RAP1GAP2: variants seen among roughly 807,000 people sequenced by gnomAD.
The protein encoded by RAP1GAP2 is rap1 GTPase-activating protein 2.
Under a neutral mutation model 95.0 loss-of-function variants are expected in RAP1GAP2, and 27 were observed. The observed-to-expected ratio is 0.28, with a 90% confidence interval of 0.21 to 0.39. The LOEUF is 0.39. Ranked by LOEUF, RAP1GAP2 falls within the 10% of genes least tolerant of loss-of-function variation. The pLI is 1.00. For missense variants in RAP1GAP2, 771 were observed against 970.0 expected, an observed-to-expected ratio of 0.79 and a Z score of 2.72; for synonymous variants, 373 against 380.9, an observed-to-expected ratio of 0.98 and a Z score of 0.24.
intron 2 of RAP1GAP2, among the ~76,000 whole-genome samples, chr17:2,890,578 T>C (rs9905679): frequency 0.46 from 69,521 of 151,896 alleles, 16,434 homozygotes; most frequent in Non-Finnish European, 0.5. Context: ...GGGGCTCCTT[T>C]TCTTCTTGGG....
chr17:2,892,114 G>A (rs1354791189), intron 2 of RAP1GAP2, among the ~76,000 whole-genome samples: 1 of 152,036 alleles, frequency 6.6e-6, no homozygotes, highest in Non-Finnish European at 1.5e-5. Flanking sequence ...GTGAGCCACC[G>A]CACCCGGCCC....
At chr17:3,031,269 C>G (rs1037977735) in intron 23 of RAP1GAP2, among the ~76,000 whole-genome samples, 1 of 152,248 alleles carries the variant, frequency 6.6e-6, no homozygotes, top group East Asian at 1.9e-4. Context: ...CCCCCAGTCC[C>G]TTCCTGAGCT....
chr17:2,774,755 G>A (rs1023813221), upstream of RAP1GAP2, among the ~76,000 whole-genome samples: 2 of 151,462 alleles, frequency 1.3e-5, no homozygotes, highest in Non-Finnish European at 2.9e-5. Flanking sequence ...ATAGGTGTGA[G>A]CTACCATGCC....
intron 2 of RAP1GAP2, among the ~76,000 whole-genome samples, chr17:2,873,885 C>T (rs2072965591): frequency 6.6e-6 from 1 of 151,996 alleles, no homozygotes; most frequent in Admixed American, 6.6e-5. Context: ...GCCTCAGCCT[C>T]CCGAGTAGCT....
At chr17:2,776,739 C>T (rs1045353275), upstream of RAP1GAP2, among the ~76,000 whole-genome samples, 6 of 149,386 alleles carry the variant, frequency 4.0e-5, no homozygotes, top group Non-Finnish European at 7.5e-5. Context: ...GCGGTGGCGG[C>T]TGCGGAGGGC....
At chr17:2,802,950 G>A (rs2069365248) in intron 2 of RAP1GAP2, among the ~76,000 whole-genome samples, 1 of 152,150 alleles carries the variant, frequency 6.6e-6, no homozygotes, top group Non-Finnish European at 1.5e-5. Context: ...TTGTCCAGTG[G>A]ACACAATAAT....
chr17:2,877,390 C>T (rs765134471), intron 2 of RAP1GAP2, among the ~76,000 whole-genome samples: 10 of 152,208 alleles, frequency 6.6e-5, no homozygotes, highest in Middle Eastern at 3.2e-3. Context: ...GTCCGTCCTC[C>T]GTAAGGCAGC....
chr17:2,897,286 C>T (rs1402851211), intron 2 of RAP1GAP2, among the ~76,000 whole-genome samples: 7 of 151,926 alleles, frequency 4.6e-5, no homozygotes, highest in Admixed American at 2.0e-4. Flanking sequence ...TGCAGTGAGC[C>T]GAGATTGTGC....
At chr17:2,835,690 A>G (rs2071098990) in intron 2 of RAP1GAP2, among the ~76,000 whole-genome samples, 1 of 152,216 alleles carries the variant, frequency 6.6e-6, no homozygotes, top group Non-Finnish European at 1.5e-5. Context: ...GCACCACTGC[A>G]TTCCAGCCTG....
intron 2 of RAP1GAP2, among the ~76,000 whole-genome samples, chr17:2,893,362 G>A (rs2073781899): frequency 6.6e-6 from 1 of 152,118 alleles, no homozygotes; most frequent in African/African-American, 2.4e-5. Flanking sequence ...ATTTTAATGG[G>A]CTTCAGAAGA....
intron 3 of RAP1GAP2, among the ~76,000 whole-genome samples, chr17:2,919,479 C>T (rs1362513445): frequency 6.6e-6 from 1 of 152,010 alleles, no homozygotes; most frequent in Non-Finnish European, 1.5e-5. Flanking sequence ...TTCCTAACTT[C>T]TTTTGCCTGC....
chr17:2,822,183 G>GCACA (rs138452950), intron 2 of RAP1GAP2, among the ~76,000 whole-genome samples: 4 of 151,386 alleles, frequency 2.6e-5, no homozygotes, highest in Admixed American at 6.6e-5. Flanking sequence ...TTGCATTCAC[G>GCACA]CACACACACA....
rs186629520 is a variant in RAP1GAP2 at position 2,833,607 on chromosome 17, A to G, written c.80+33057A>G. On this transcript the variant is annotated intron_variant, in intron 2 of 24. Coordinates refer to ENST00000254695, the MANE Select transcript of RAP1GAP2 (RefSeq NM_015085.5). ...TGGGAGGCTGAGGCAGGAGAATGGC[A>G]TGAACCTGGGAGGCGGAGCTTGCAG... Among the ~76,000 whole-genome samples, 1,376 of 148,774 alleles carry G rather than the reference A, an allele frequency of 9.2e-3. 18 individuals carry two copies. The highest frequency in any genetic ancestry group is 0.03 in the East Asian group (144 of 4,826).
At chr17:2,839,986 C>T (rs754112111) in intron 2 of RAP1GAP2, among the ~76,000 whole-genome samples, 2 of 150,554 alleles carry the variant, frequency 1.3e-5, no homozygotes, top group Non-Finnish European at 1.5e-5. Context: ...TTAGTAGAAA[C>T]GGGGTTTCAC....
At chr17:2,888,456 T>C (rs1460834281) in intron 2 of RAP1GAP2, among the ~76,000 whole-genome samples, 2 of 152,202 alleles carry the variant, frequency 1.3e-5, no homozygotes, top group African/African-American at 4.8e-5. Flanking sequence ...ACCACTATTC[T>C]GCTTTCTACT....
intron 8 of RAP1GAP2, among the ~76,000 whole-genome samples, chr17:2,971,909 A>T (rs183386435): frequency 4.6e-5 from 7 of 152,350 alleles, no homozygotes; most frequent in Admixed American, 3.3e-4. Context: ...AAGCAATAAG[A>T]TAGGTAACTA....
At chr17:2,790,908 C>T (rs912390615) in intron 1 of RAP1GAP2, among the ~76,000 whole-genome samples, 27 of 152,164 alleles carry the variant, frequency 1.8e-4, no homozygotes, top group African/African-American at 5.3e-4. Flanking sequence ...CTCAAAAGCC[C>T]GTAGAGGCCG....
chr17:2,781,369 C>T (rs578191486), intron 1 of RAP1GAP2, among the ~76,000 whole-genome samples: 5 of 152,334 alleles, frequency 3.3e-5, no homozygotes, highest in Middle Eastern at 3.4e-3. Context: ...GACAGGCAGT[C>T]GGGAACACTG....
upstream of RAP1GAP2, among the ~76,000 whole-genome samples, chr17:2,774,990 T>A (rs1023176501): frequency 7.9e-4 from 50 of 63,522 alleles, no homozygotes; most frequent in African/African-American, 4.4e-3. Flanking sequence ...CCTGCTAAAT[T>A]TTTTTTTTTT....
Sources: gnomAD v4.1 joint callset for allele counts (sites outside exome capture counted in the v4.1 genomes callset) on GRCh38, gnomAD v4.1.1 for gene constraint, MANE v1.5 for transcripts, NCBI Gene and HGNC (gene_info 2026-07-23, HGNC 2026-07-21) for gene names.